The following ELOVL5 variants were observed in gnomAD, a reference collection of about 807,000 sequenced individuals.
ELOVL5 encodes very long chain fatty acid elongase 5.
ELOVL5 carries 8 observed loss-of-function variants against 38.6 expected under a neutral mutation model. That is an observed-to-expected ratio of 0.21 (90% CI 0.12 to 0.37). The LOEUF (loss-of-function observed/expected upper bound fraction) is 0.37. Ranked by LOEUF, ELOVL5 falls within the 10% of genes least tolerant of loss-of-function variation. The pLI is 1.00. For synonymous variants in ELOVL5, 127 were observed against 133.7 expected, an observed-to-expected ratio of 0.95 and a Z score of 0.34; for missense variants, 280 against 367.8, an observed-to-expected ratio of 0.76 and a Z score of 1.95.
At chr6:53,284,536 C>A (rs767915891) in intron 3 of ELOVL5, among the ~76,000 whole-genome samples, 6 of 152,130 alleles carry the variant, frequency 3.9e-5, no homozygotes, top group Middle Eastern at 3.4e-3. Context: ...TACAAAAATT[C>A]TACAAAGCAG....
intron 3 of ELOVL5, among the ~76,000 whole-genome samples, chr6:53,276,839 CTTCA>C (rs1235568556): frequency 6.6e-6 from 1 of 151,944 alleles, no homozygotes; most frequent in East Asian, 1.9e-4. Context: ...CCAACTTTAT[CTTCA>C]TTATTTCCTG....
intron 1 of ELOVL5, among the ~76,000 whole-genome samples, chr6:53,309,905 A>T (rs978335968): frequency 2.0e-5 from 3 of 152,094 alleles, no homozygotes; most frequent in Admixed American, 6.5e-5. Context: ...AGACAAAACC[A>T]CCCAGGTAGG....
chr6:53,294,312 CCAGT>C (rs1766899533), intron 2 of ELOVL5: 2 of 1,572,634 alleles, frequency 1.3e-6, no homozygotes, highest in Non-Finnish European at 8.6e-7. Flanking sequence ...GCAATTGTGG[CCAGT>C]GAGTTTTGAG....
chr6:53,325,369 TCA>T (rs1491368227), intron 1 of ELOVL5, among the ~76,000 whole-genome samples: 2 of 102,540 alleles, frequency 2.0e-5, no homozygotes, highest in Admixed American at 9.4e-5. Context: ...TGTCCAAATG[TCA>T]TTTTTTAAAA....
At chr6:53,304,163 A>G (rs1219753309) in intron 1 of ELOVL5, among the ~76,000 whole-genome samples, 2 of 152,240 alleles carry the variant, frequency 1.3e-5, no homozygotes, top group African/African-American at 4.8e-5. Flanking sequence ...GATACTATAA[A>G]TGAGGAGATA....
chr6:53,290,484 T>C (rs1454079023), intron 3 of ELOVL5: 1 of 152,184 alleles, frequency 6.6e-6, no homozygotes, highest in African/African-American at 2.4e-5. Context: ...GCACTTCCCC[T>C]GGCTCCAGTC....
At chr6:53,339,343 T>A (rs1220583587) in intron 1 of ELOVL5, among the ~76,000 whole-genome samples, 4 of 152,226 alleles carry the variant, frequency 2.6e-5, no homozygotes, top group Admixed American at 6.5e-5. Flanking sequence ...CCAAACCTAG[T>A]GTCCCACACC....
At chr6:53,293,529 G>A (rs1030085388) in intron 2 of ELOVL5, among the ~76,000 whole-genome samples, 9 of 152,026 alleles carry the variant, frequency 5.9e-5, no homozygotes, top group African/African-American at 2.2e-4. Flanking sequence ...TATTGGTCAG[G>A]CTGGTCTGGA....
chr6:53,289,652 G>A (rs898414826), intron 3 of ELOVL5, among the ~76,000 whole-genome samples: 7 of 152,206 alleles, frequency 4.6e-5, no homozygotes, highest in Admixed American at 3.3e-4. Flanking sequence ...CCTGGGAAGC[G>A]GAGGTTGCAG....
chr6:53,310,159 T>C (rs950250148), intron 1 of ELOVL5, among the ~76,000 whole-genome samples: 4 of 151,856 alleles, frequency 2.6e-5, no homozygotes, highest in African/African-American at 9.7e-5. Context: ...ATATAAACCC[T>C]CCCCCTCGAT....
rs1766964489 is a variant in ELOVL5 at position 53,295,693 on chromosome 6, G to A, written c.7C>T (p.His3Tyr). ...TAGGTACTAAGTGATGCATCAAAATGTTCCATTTGAAAACCTATTAAGAAA... is the reference window on the plus strand; with the variant it reads ...TAGGTACTAAGTGATGCATCAAAATATTCCATTTGAAAACCTATTAAGAAA... ME[H>Y]FDASLSTYFK... is the part of the protein sequence containing the mutation. The change falls in exon 2 of 8, where the codon CAT becomes TAT. Residue 3 changes from histidine (H) to tyrosine (Y), a missense_variant. Coordinates refer to ENST00000304434, the MANE Select transcript of ELOVL5 (RefSeq NM_021814.5). 1 of 1,587,670 alleles carries A rather than the reference G, an allele frequency of 6.3e-7. No individual in the cohort carries two copies. Among genetic ancestry groups the A allele is most frequent in the African/African-American group, 1.4e-5 (1 of 73,276 alleles).
chr6:53,275,229 G>A lies in ELOVL5; in HGVS notation c.357C>T (p.Ser119=). 6.2e-7 allele frequency: 1 copy of A among 1,614,192 alleles called. No homozygotes were observed. Among genetic ancestry groups the A allele is most frequent in the South Asian group, 1.1e-5 (1 of 91,080 alleles). ...AAGTGTCCATAAATTCTATGAGTTTGGAGAAGTAGTACCACCAGAGGACAC... is the reference window on the plus strand; with the variant it reads ...AAGTGTCCATAAATTCTATGAGTTTAGAGAAGTAGTACCACCAGAGGACAC... ...IIRVLWWYYF[S]KLIEFMDTFF... is the part of the protein sequence containing the mutation. The change falls in exon 5 of 8, where the codon TCC becomes TCT. Residue 119 remains serine, a synonymous_variant. Transcript: ENST00000304434.
intron 1 of ELOVL5, among the ~76,000 whole-genome samples, chr6:53,320,208 T>G (rs1002381257): frequency 6.6e-6 from 1 of 151,980 alleles, no homozygotes; most frequent in Non-Finnish European, 1.5e-5. Flanking sequence ...TTCCTGCTAC[T>G]CGGGAGCCTG....
At chr6:53,345,060 G>A (rs989112836) in intron 1 of ELOVL5, among the ~76,000 whole-genome samples, 4 of 152,188 alleles carry the variant, frequency 2.6e-5, no homozygotes, top group Non-Finnish European at 5.9e-5. Context: ...CCCTGGTTCT[G>A]GGATGGGCCC....
At chr6:53,310,115 A>C (rs930128466) in intron 1 of ELOVL5, among the ~76,000 whole-genome samples, 3 of 152,234 alleles carry the variant, frequency 2.0e-5, no homozygotes, top group African/African-American at 7.2e-5. Context: ...ACCACACATA[A>C]TTAAGGCACC....
chr6:53,280,144 G>A (rs964263791), intron 3 of ELOVL5, among the ~76,000 whole-genome samples: 6 of 152,220 alleles, frequency 3.9e-5, no homozygotes, highest in African/African-American at 1.4e-4. Flanking sequence ...CAGGGTGAGA[G>A]GACCCAGTAG....
chr6:53,299,166 C>G, intron 1 of ELOVL5, among the ~76,000 whole-genome samples: 1 of 152,104 alleles, frequency 6.6e-6, no homozygotes, highest in East Asian at 1.9e-4. Flanking sequence ...AATGAGCAGA[C>G]AGTAGAATGA....
intron 1 of ELOVL5, among the ~76,000 whole-genome samples, chr6:53,339,330 T>C (rs914655974): frequency 5.3e-5 from 8 of 152,238 alleles, no homozygotes; most frequent in Non-Finnish European, 8.8e-5. Flanking sequence ...CATTACAATG[T>C]TGCCAAACCT....
intron 1 of ELOVL5, among the ~76,000 whole-genome samples, chr6:53,306,790 A>T (rs888070187): frequency 6.6e-6 from 1 of 152,224 alleles, no homozygotes; most frequent in Non-Finnish European, 1.5e-5. Flanking sequence ...CTAGAAGAAG[A>T]AGTGGTGATA....
Sources: allele counts gnomAD v4.1 joint callset (sites outside exome capture counted in the v4.1 genomes callset), GRCh38; gene constraint gnomAD v4.1.1; transcripts MANE v1.5; gene names NCBI Gene and HGNC (gene_info 2026-07-23, HGNC 2026-07-21).